Variants in SCFD2 observed in about 807,000 individuals in gnomAD.
The protein encoded by SCFD2 is sec1 family domain-containing protein 2.
Under a neutral mutation model 58.9 loss-of-function variants are expected in SCFD2, and 54 were observed. The ratio of observed to expected loss-of-function variants is 0.92; its 90% CI spans 0.74 to 1.15. The LOEUF (loss-of-function observed/expected upper bound fraction) is 1.15, where lower values mean the gene tolerates loss of function less well. Ranked by LOEUF, SCFD2 falls within the 50% of genes most tolerant of loss-of-function variation. SCFD2 has a pLI of 0.00. For synonymous variants in SCFD2, 321 were observed against 335.9 expected, an observed-to-expected ratio of 0.96 and a Z score of 0.49; for missense variants, 805 against 836.6, an observed-to-expected ratio of 0.96 and a Z score of 0.47.
At chr4:53,306,231 G>T (rs1732508547) in intron 3 of SCFD2, among the ~76,000 whole-genome samples, 1 of 152,154 alleles carries the variant, frequency 6.6e-6, no homozygotes, top group Non-Finnish European at 1.5e-5. Context: ...GTAGAATAAG[G>T]CTCTAACATT....
At chr4:52,940,687 T>G (rs1396041050) in intron 5 of SCFD2, among the ~76,000 whole-genome samples, 1 of 152,178 alleles carries the variant, frequency 6.6e-6, no homozygotes. Context: ...TAAACTGATT[T>G]TTCTGAGGGC....
At chr4:53,264,475 C>G (rs1480406257) in intron 4 of SCFD2, among the ~76,000 whole-genome samples, 2 of 152,144 alleles carry the variant, frequency 1.3e-5, no homozygotes, top group Admixed American at 1.3e-4. Flanking sequence ...TAACAATACC[C>G]CATGCTGCCA....
chr4:53,305,100 C>T (rs936966606), intron 3 of SCFD2, among the ~76,000 whole-genome samples: 1 of 152,160 alleles, frequency 6.6e-6, no homozygotes, highest in African/African-American at 2.4e-5. Context: ...GCTTAAAGTC[C>T]ATCCATGTTG....
At chr4:52,894,963 T>C (rs796356221) in intron 7 of SCFD2, among the ~76,000 whole-genome samples, 7 of 152,324 alleles carry the variant, frequency 4.6e-5, no homozygotes, top group African/African-American at 1.4e-4. Flanking sequence ...AACAGGTCTT[T>C]CACTAACAAA....
chr4:52,935,412 T>C (rs1577839728), intron 5 of SCFD2, among the ~76,000 whole-genome samples: 1 of 152,228 alleles, frequency 6.6e-6, no homozygotes. Context: ...TGTTGGCTCC[T>C]GATCAACACC....
chr4:53,033,468 C>A (rs11736280), intron 5 of SCFD2, among the ~76,000 whole-genome samples: 39,188 of 151,954 alleles, frequency 0.26, 5,354 homozygotes, highest in East Asian at 0.32. Context: ...TAACTCAGAT[C>A]AGAGCAGAAC....
chr4:53,226,482 T>A (rs187926879), intron 4 of SCFD2, among the ~76,000 whole-genome samples: 36 of 152,290 alleles, frequency 2.4e-4, no homozygotes, highest in Non-Finnish European at 4.7e-4. Context: ...TTTTTAGGCT[T>A]TTTTGGCTGT....
chr4:52,966,630 G>A (rs1720968346), intron 5 of SCFD2, among the ~76,000 whole-genome samples: 1 of 151,998 alleles, frequency 6.6e-6, no homozygotes, highest in African/African-American at 2.4e-5. Flanking sequence ...TTGTTTGGTA[G>A]GACAGTTTTA....
chr4:53,049,830 T>C (rs1284067546), intron 5 of SCFD2, among the ~76,000 whole-genome samples: 1 of 152,158 alleles, frequency 6.6e-6, no homozygotes, highest in Non-Finnish European at 1.5e-5. Flanking sequence ...ATGCTCTCTC[T>C]CAGTGGAGGG....
At chr4:52,930,906 A>G (rs981849341) in intron 5 of SCFD2, among the ~76,000 whole-genome samples, 1 of 152,176 alleles carries the variant, frequency 6.6e-6, no homozygotes, top group African/African-American at 2.4e-5. Flanking sequence ...AGTTACCCTA[A>G]TGTTCTATTA....
At chr4:52,895,993 A>C (rs963909686) in intron 7 of SCFD2, among the ~76,000 whole-genome samples, 2 of 152,148 alleles carry the variant, frequency 1.3e-5, no homozygotes, top group Non-Finnish European at 2.9e-5. Flanking sequence ...TGCTTGGCCC[A>C]CTTTTTGATG....
At chr4:53,248,340 T>A (rs1730191882) in intron 4 of SCFD2, among the ~76,000 whole-genome samples, 1 of 152,028 alleles carries the variant, frequency 6.6e-6, no homozygotes, top group South Asian at 2.1e-4. Context: ...GCAGCGAGGA[T>A]GGGGGAGGGG....
intron 1 of SCFD2, among the ~76,000 whole-genome samples, chr4:53,363,396 C>T (rs1578006416): frequency 1.3e-5 from 2 of 151,996 alleles, no homozygotes; most frequent in East Asian, 3.9e-4. Flanking sequence ...CAGTCTGCCC[C>T]CCTCAGCCTC....
chr4:52,979,663 C>T (rs1017109297), intron 5 of SCFD2, among the ~76,000 whole-genome samples: 1 of 151,986 alleles, frequency 6.6e-6, no homozygotes, highest in African/African-American at 2.4e-5. Flanking sequence ...TCAGTAAATC[C>T]CAATTATTTA....
intron 4 of SCFD2, among the ~76,000 whole-genome samples, chr4:53,266,361 T>C (rs1730983343): frequency 6.6e-6 from 1 of 152,190 alleles, no homozygotes; most frequent in South Asian, 2.1e-4. Flanking sequence ...ACACATATAG[T>C]CTCACTCAAT....
chr4:52,895,425 G>T (rs1215925604), intron 7 of SCFD2, among the ~76,000 whole-genome samples: 1 of 152,022 alleles, frequency 6.6e-6, no homozygotes, highest in African/African-American at 2.4e-5. Context: ...TGCGGTGTTT[G>T]GTTTTTTGCC....
At chr4:53,353,572 G>A (rs1395817848) in intron 1 of SCFD2, among the ~76,000 whole-genome samples, 1 of 152,192 alleles carries the variant, frequency 6.6e-6, no homozygotes, top group Non-Finnish European at 1.5e-5. Flanking sequence ...ACAGAGAGCT[G>A]ATTGGTCCAT....
intron 3 of SCFD2, among the ~76,000 whole-genome samples, chr4:53,278,506 G>T (rs2149074281): frequency 1.3e-5 from 2 of 151,644 alleles, no homozygotes; most frequent in African/African-American, 4.8e-5. Flanking sequence ...TCCAGCCTGG[G>T]CGACAGAGTG....
chr4:53,156,324 G>A (rs111333161), intron 4 of SCFD2, among the ~76,000 whole-genome samples: 2,596 of 149,172 alleles, frequency 0.017, 84 homozygotes, highest in African/African-American at 0.06. Context: ...GCTTGAACCC[G>A]GGAGGCAGAG....
Sources: gnomAD v4.1 joint callset for allele counts (sites outside exome capture counted in the v4.1 genomes callset) on GRCh38, gnomAD v4.1.1 for gene constraint, MANE v1.5 for transcripts, NCBI Gene and HGNC (gene_info 2026-07-23, HGNC 2026-07-21) for gene names.